The following SVIL variants were observed in gnomAD, a reference collection of about 807,000 sequenced individuals.
SVIL encodes the protein archvillin.
In SVIL, 101 loss-of-function variants were observed where a neutral mutation model predicts 240.4. The observed-to-expected ratio is 0.42, with a 90% CI of 0.36 to 0.50. The LOEUF is 0.50. Ranked by LOEUF, SVIL falls within the 20% of genes least tolerant of loss-of-function variation. The pLI is 0.01. For synonymous variants in SVIL, 999 were observed against 1,100.0 expected (o/e 0.91, Z 1.82); for missense variants, 2,512 against 2,818.7 (o/e 0.89, Z 2.46).
At chr10:29,539,627 A>C (rs1951998635) in intron 6 of SVIL, among the ~76,000 whole-genome samples, 1 of 152,172 alleles carries the variant, frequency 6.6e-6, no homozygotes, top group Non-Finnish European at 1.5e-5. Flanking sequence ...GAATGCAGCC[A>C]CTTCTGAGTT....
intron 1 of SVIL, among the ~76,000 whole-genome samples, chr10:29,704,307 A>G (rs866608512): frequency 1.3e-5 from 2 of 152,208 alleles, no homozygotes; most frequent in Non-Finnish European, 2.9e-5. Context: ...ATGTGTGTTC[A>G]CCGAGGAACT....
At chr10:29,490,453 C>T (rs1947836643) in intron 22 of SVIL, among the ~76,000 whole-genome samples, 1 of 151,890 alleles carries the variant, frequency 6.6e-6, no homozygotes. Context: ...CTCAACAAAA[C>T]AGGGTAATTT....
At chr10:29,625,867 T>C (rs1049349305) in intron 1 of SVIL, among the ~76,000 whole-genome samples, 13 of 152,224 alleles carry the variant, frequency 8.5e-5, no homozygotes, top group Admixed American at 7.9e-4. Flanking sequence ...ATACAAAGCC[T>C]TACAAGTGTC....
chr10:29,714,335 G>A (rs974368905), intron 1 of SVIL, among the ~76,000 whole-genome samples: 6 of 152,276 alleles, frequency 3.9e-5, no homozygotes, highest in African/African-American at 2.4e-5. Context: ...CAAAAAAGGC[G>A]AAGACTATGG....
At chr10:29,646,405 T>C (rs557929925) in intron 3 of SVIL, among the ~76,000 whole-genome samples, 1 of 152,222 alleles carries the variant, frequency 6.6e-6, no homozygotes, top group African/African-American at 2.4e-5. Context: ...TTGGCATCAC[T>C]TTCACAAATC....
At chr10:29,693,268 A>C (rs1158967592) in intron 1 of SVIL, among the ~76,000 whole-genome samples, 1 of 147,954 alleles carries the variant, frequency 6.8e-6, no homozygotes, top group Non-Finnish European at 1.5e-5. Context: ...ATAATTCTCA[A>C]GCATGACACT....
chr10:29,481,493 G>T (rs1341099718), intron 28 of SVIL, 91 bp downstream of exon 28: 16 of 1,519,098 alleles, frequency 1.1e-5, no homozygotes, highest in East Asian at 2.3e-5. Context: ...ACAGCCATAC[G>T]AACTATCCTG....
At chr10:29,565,442 T>C (rs1025107003) in intron 2 of SVIL, among the ~76,000 whole-genome samples, 17 of 152,186 alleles carry the variant, frequency 1.1e-4, no homozygotes, top group African/African-American at 4.1e-4. Context: ...AAGTCTCTGA[T>C]GCTTCTTAAC....
At chr10:29,560,414 G>A (rs2132683633) in intron 3 of SVIL, among the ~76,000 whole-genome samples, 1 of 152,306 alleles carries the variant, frequency 6.6e-6, no homozygotes, top group East Asian at 1.9e-4. Context: ...GCTAAAGAAA[G>A]TGGAGTAATA....
At chr10:29,559,370 T>C (rs1033134232) in intron 3 of SVIL, among the ~76,000 whole-genome samples, 2 of 148,728 alleles carry the variant, frequency 1.3e-5, no homozygotes, top group African/African-American at 4.8e-5. Flanking sequence ...CATATTTACA[T>C]AGTATTTTTT....
chr10:29,653,869 C>T (rs374882195), intron 3 of SVIL, among the ~76,000 whole-genome samples: 14 of 152,182 alleles, frequency 9.2e-5, no homozygotes, highest in African/African-American at 2.9e-4. Flanking sequence ...TAATTGACCA[C>T]AAATAATGTA....
chr10:29,715,050 A>AT (rs753623446), intron 1 of SVIL, among the ~76,000 whole-genome samples: 12 of 152,078 alleles, frequency 7.9e-5, no homozygotes, highest in Non-Finnish European at 1.8e-4. Flanking sequence ...CACCCCTAAT[A>AT]TTTTGTGAAG....
intron 1 of SVIL, among the ~76,000 whole-genome samples, chr10:29,724,819 C>T (rs1318925399): frequency 6.6e-6 from 1 of 151,842 alleles, no homozygotes; most frequent in Admixed American, 6.6e-5. Flanking sequence ...GTCAGGAGTT[C>T]GAGACCAGCC....
Position 29,532,914 on chromosome 10 carries a change from C to T in SVIL, c.1453G>A (p.Val485Ile). 1.2e-6 allele frequency: 2 copies of T among 1,614,152 alleles called. No individual in the cohort carries two copies. The highest frequency in any genetic ancestry group is 1.7e-6 in the Non-Finnish European group (2 of 1,180,030). Residue 485 changes from valine (V) to isoleucine (I), a missense_variant, in exon 8 of 38, where the codon GTC (valine) becomes ATC (isoleucine). By Grantham distance (29) the Val-to-Ile change is conservative. Coordinates refer to ENST00000355867, the MANE Select transcript of SVIL (RefSeq NM_021738.3). ...AGTTCCTTCTGATGCTCTAAGGTGA[C>T]TGTGCTCACAGCAGGCTTACCAAAG... ...EDFGKPAVSTVTLEHQKELEN... is the reference protein window; with the variant it reads ...EDFGKPAVSTITLEHQKELEN...
intron 16 of SVIL, among the ~76,000 whole-genome samples, chr10:29,520,355 C>G (rs1564561545): frequency 6.6e-6 from 1 of 152,188 alleles, no homozygotes; most frequent in Non-Finnish European, 1.5e-5. Flanking sequence ...ATGAAACTCT[C>G]TTTGAGCCCC....
At chr10:29,641,229 C>A (rs1243272094) in intron 3 of SVIL, among the ~76,000 whole-genome samples, 8 of 151,682 alleles carry the variant, frequency 5.3e-5, no homozygotes, top group African/African-American at 1.9e-4. Flanking sequence ...CATAGTGAGA[C>A]CCCATCTCTT....
chr10:29,524,248 G>T (rs1014084255), intron 14 of SVIL, among the ~76,000 whole-genome samples: 1 of 152,010 alleles, frequency 6.6e-6, no homozygotes, highest in South Asian at 2.1e-4. Flanking sequence ...TCTCCAAAAT[G>T]GACTCATTCT....
chr10:29,529,046 CATGCCTGTA>C (rs1401182294), intron 12 of SVIL, among the ~76,000 whole-genome samples: 1 of 151,708 alleles, frequency 6.6e-6, no homozygotes, highest in Non-Finnish European at 1.5e-5. Context: ...TGTGGTGGCA[CATGCCTGTA>C]ATCCCAACTA....
At chr10:29,684,188 A>G (rs1260822263) in intron 2 of SVIL, among the ~76,000 whole-genome samples, 1 of 152,216 alleles carries the variant, frequency 6.6e-6, no homozygotes, top group Non-Finnish European at 1.5e-5. Flanking sequence ...CTTCTGCAGC[A>G]ACATCCTTGT....
Sources: allele counts gnomAD v4.1 joint callset (sites outside exome capture counted in the v4.1 genomes callset), GRCh38; gene constraint gnomAD v4.1.1; transcripts MANE v1.5; gene names NCBI Gene and HGNC (gene_info 2026-07-23, HGNC 2026-07-21).